The following TNXB variants were observed in gnomAD, a reference collection of about 807,000 sequenced individuals.
The protein encoded by TNXB is tenascin-X.
TNXB carries 183 observed loss-of-function variants against 340.5 expected under a neutral mutation model. That is an observed-to-expected ratio of 0.54 (90% CI 0.48 to 0.61). The LOEUF (loss-of-function observed/expected upper bound fraction) is 0.61, where lower values mean the gene tolerates loss of function less well. TNXB is among the 20% of genes least tolerant of loss of function. The pLI is 0.00. For synonymous variants in TNXB, 2,121 were observed against 2,314.5 expected (o/e 0.92, Z 2.40); for missense variants, 4,613 against 5,446.4 (o/e 0.85, Z 4.82).
Position 32,053,741 on chromosome 6 carries a change from T to A in TNXB, c.8468-30A>T, listed in dbSNP as rs557200514. On this transcript the variant is annotated intron_variant, in intron 24 of 43. Transcript: ENST00000644971. Reference sequence around the variant, plus strand: ...ACAGACACGTGTGGGGAGAGTGAGGTCCCTGGGTTCTCAGTTCAGCATAGA... The same window carrying A: ...ACAGACACGTGTGGGGAGAGTGAGGACCCTGGGTTCTCAGTTCAGCATAGA... 1.7e-4 allele frequency: 270 copies of A among 1,596,386 alleles called. 1 individual carries two copies. The highest frequency in any genetic ancestry group is 5.2e-4 in the East Asian group (23 of 44,576).
Position 32,067,139 on chromosome 6 carries a change from G to GAAAGAAAGAA in TNXB, c.6544+512_6544+521dup, listed in dbSNP as rs1562823247. Among the ~76,000 whole-genome samples the GAAAGAAAGAA allele has an allele frequency of 8.6e-6, 1 of 116,190 alleles. No homozygotes were observed. The highest frequency in any genetic ancestry group is 3.6e-5 in the African/African-American group (1 of 28,122). 76.2% of individuals were successfully genotyped at this position (116,190 alleles called of 152,430 possible). ...AGAAAGAAAGAAAGGAAGGAAGAAAGAAAGAAAGAAAGAAAGAAAGAAAGA... is the reference window on the plus strand; with the variant it reads ...AGAAAGAAAGAAAGGAAGGAAGAAAGAAAGAAAGAAAAAGAAAGAAAGAAAGAAAGAAAGA... On this transcript the variant is annotated intron_variant, in intron 18 of 43. Transcript: ENST00000644971. This position sits in a 1 kb window ranked among gnomAD's most constrained non-coding sequence, Gnocchi z 4.2.
In TNXB at chr6:32,067,742, G is replaced by T. The variant is rs1238592106; in HGVS notation, c.6463C>A (p.Pro2155Thr). Residue 2155 changes from proline (P) to threonine (T), a missense_variant, in exon 18 of 44, where the codon CCT (proline) becomes ACT (threonine). Around this residue, in one of 7 missense-constraint regions of TNXB, gnomAD observed 4,327 missense variants for 4,859.4 expected, o/e 0.89. Transcript: ENST00000644971. This position sits in a 1 kb window ranked among gnomAD's most constrained non-coding sequence, Gnocchi z 4.2. The part of the protein sequence containing the change: ...ESEVTVGGLE[P>T]GRKYKMHLYG... ...AGGTGCATCTTGTACTTGCGCCCAG[G>T]CTCCAGGCCCCCCACGGTGACTTCA... 5.6e-6 allele frequency: 9 copies of T among 1,613,728 alleles called. No homozygotes were observed. The Admixed American group carries it at 1.5e-4, about 27-fold the overall frequency.
chr6:32,084,810 A>T lies in TNXB; in HGVS notation c.3149-101T>A. ...GCCCACCTCACTCCATCCTGGATAG[A>T]TCCCTCCCCGGAAGACTCTATCTGC... On this transcript the variant is annotated intron_variant, in intron 7 of 43. Transcript: ENST00000644971. The surrounding 1 kb of genome is among the most constrained non-coding windows in gnomAD (Gnocchi z 5.5). 1 of 1,135,796 alleles carries T rather than the reference A, an allele frequency of 8.8e-7. No individual in the cohort carries two copies. The highest frequency in any genetic ancestry group is 2.1e-5 in the South Asian group (1 of 48,586). 70.4% of individuals were successfully genotyped at this position (1,135,796 alleles called of 1,614,324 possible).
At chr6:32,091,173 C>G (rs142674470) in intron 4 of TNXB, among the ~76,000 whole-genome samples, 1 of 152,190 alleles carries the variant, frequency 6.6e-6, no homozygotes, top group African/African-American at 2.4e-5. Flanking sequence ...TGCAATGGCG[C>G]GATCTCAGCT....
At chr6:32,066,242 A>T (rs574912409) in intron 18 of TNXB, among the ~76,000 whole-genome samples, 1 of 152,250 alleles carries the variant, frequency 6.6e-6, no homozygotes, top group East Asian at 1.9e-4. Context: ...AAATTTTTTT[A>T]AATTAGCTGA....
rs746441495 is a variant in TNXB, at chr6:32,073,968, T to C, written c.4376-16A>G. The C allele has an allele frequency of 1.3e-6, 2 of 1,561,472 alleles. No homozygotes were observed. Among genetic ancestry groups the C allele is most frequent in the African/African-American group, 1.4e-5 (1 of 73,478 alleles). On this transcript the variant is annotated splice_polypyrimidine_tract_variant and intron_variant, in intron 11 of 43. Transcript: ENST00000644971. This position sits in a 1 kb window ranked among gnomAD's most constrained non-coding sequence, Gnocchi z 4.6. ...TGTTGTGGGGCTGGGACAGAGATGG[T>C]AGGGGGCTGTTAGTAAAGAATCCCC... is the stretch of plus-strand genomic sequence containing the variant.
chr6:32,060,089 C>G (rs1451134616), intron 21 of TNXB, among the ~76,000 whole-genome samples: 1 of 151,854 alleles, frequency 6.6e-6, no homozygotes. Context: ...AATCCCAGCA[C>G]TTTGGGAGGC....
In TNXB at chr6:32,049,637, T is replaced by G; in HGVS notation, c.9440-50A>C. ...GAGTGAGGGGGATGTCCTTGGGTCC[T>G]GGGGAAAAGGAGGGAGAAGCCAAGG... On this transcript the variant is annotated intron_variant, in intron 27 of 43. Coordinates refer to ENST00000644971, the MANE Select transcript of TNXB (RefSeq NM_001365276.2). This position sits in a 1 kb window ranked among gnomAD's most constrained non-coding sequence, Gnocchi z 4.5. 1 of 1,572,390 alleles carries G rather than the reference T, an allele frequency of 6.4e-7. No individual in the cohort carries two copies. Among genetic ancestry groups the G allele is most frequent in the South Asian group, 1.1e-5 (1 of 87,278 alleles).
intron 11 of TNXB, among the ~76,000 whole-genome samples, chr6:32,076,503 C>A (rs549633990): frequency 2.6e-5 from 4 of 152,300 alleles, no homozygotes; most frequent in Admixed American, 2.0e-4. Context: ...TTCAAAATAT[C>A]CAGCATTAGA....
chr6:32,081,984 G>A lies in TNXB; in HGVS notation c.3736+52C>T. The A allele has an allele frequency of 5.9e-6, 9 of 1,537,170 alleles. No homozygotes were observed. Among genetic ancestry groups the A allele is most frequent in the Non-Finnish European group, 7.9e-6 (9 of 1,137,136 alleles). On this transcript the variant is annotated intron_variant, in intron 9 of 43. Transcript: ENST00000644971. This position sits in a 1 kb window ranked among gnomAD's most constrained non-coding sequence, Gnocchi z 5.1. ...AGCTGGTTTTGGGCTGAAGGGAAGT[G>A]TGCATGGGGCTGAGAAGGGGTCACA... is the stretch of plus-strand genomic sequence containing the variant.
chr6:32,088,959 G>A lies in TNXB; in HGVS notation c.2605C>T (p.Arg869Ter), dbSNP rs1386088186. Residue 869 changes from arginine (R) to a stop codon, truncating the protein, a stop_gained, in exon 6 of 44, where the codon CGA (arginine) becomes TGA (stop). Transcript: ENST00000644971. LOFTEE classifies it high-confidence loss of function. ...GCACTGACGTAGGACACCACAAATC[G>A]GTCCACCTCAGCCTGGGGACGCAGC... ...GWLRPQAEVDRFVVSYVSAGN... is the reference protein window; with the variant it reads ...GWLRPQAEVD The A allele has an allele frequency of 3.7e-6, 6 of 1,609,472 alleles. No homozygotes were observed. Among genetic ancestry groups the A allele is most frequent in the South Asian group, 1.1e-5 (1 of 90,140 alleles).
Position 32,095,923 on chromosome 6 carries a change from C to T in TNXB, c.1930G>A (p.Gly644Ser), listed in dbSNP as rs764261572. Residue 644 changes from glycine (G) to serine (S), a missense_variant, in exon 3 of 44, where the codon GGC becomes AGC. Coordinates refer to ENST00000644971, the MANE Select transcript of TNXB (RefSeq NM_001365276.2). ...GRCLCDPGYT[G>S]PTCATRMCPA... Reference sequence around the variant, plus strand: ...CACATGCGGGTGGCACAGGTAGGGCCGGTGTAGCCTGGGTCGCACAGGCAG... The same window carrying T: ...CACATGCGGGTGGCACAGGTAGGGCTGGTGTAGCCTGGGTCGCACAGGCAG... 8 of 1,612,672 alleles carry T rather than the reference C, an allele frequency of 5.0e-6. No homozygotes were observed. In the South Asian group the frequency reaches 6.6e-5, roughly 13 times the overall value.
chr6:32,104,793 G>A (rs1027945698), intron 1 of TNXB, among the ~76,000 whole-genome samples: 5 of 152,006 alleles, frequency 3.3e-5, no homozygotes, highest in African/African-American at 7.2e-5. Context: ...GTGCCATCAC[G>A]CTCAGCTAAT....
At position 32,058,987 on chromosome 6, in the gene TNXB, G is replaced by A. The variant is rs1250078193; in HGVS notation, c.7493-597C>T. ...ACGCTCTGCATGCAAAATACAGGAA[G>A]GGAATGTGCACTACACACATTGTTA... is the stretch of plus-strand genomic sequence containing the variant. On this transcript the variant is annotated intron_variant, in intron 21 of 43. Coordinates refer to ENST00000644971, the MANE Select transcript of TNXB (RefSeq NM_001365276.2). This position sits in a 1 kb window ranked among gnomAD's most constrained non-coding sequence, Gnocchi z 5.1. Among the ~76,000 whole-genome samples, 2 of 151,936 alleles carry A rather than the reference G, an allele frequency of 1.3e-5. No homozygotes were observed. Among genetic ancestry groups the A allele is most frequent in the Non-Finnish European group, 2.9e-5 (2 of 68,030 alleles).
At position 32,047,739 on chromosome 6, in the gene TNXB, G is replaced by A; in HGVS notation, c.10319C>T (p.Thr3440Ile). The change falls in exon 30 of 44, where the codon ACC becomes ATC. Residue 3440 changes from threonine (T) to isoleucine (I), a missense_variant. Around this residue, in one of 7 missense-constraint regions of TNXB, gnomAD observed 4,327 missense variants for 4,859.4 expected, o/e 0.89. Transcript: ENST00000644971. The surrounding 1 kb of genome is among the most constrained non-coding windows in gnomAD (Gnocchi z 6.2). ...KRLGPISADS[T>I]TAPLEKELPP... ...GAGGCTGGACTGGGACTCACCTGTG[G>A]TGCTGTCAGCAGAGATGGGGCCCAG... 1 of 1,597,426 alleles carries A rather than the reference G, an allele frequency of 6.3e-7. No individual in the cohort carries two copies. Among genetic ancestry groups the A allele is most frequent in the Non-Finnish European group, 8.5e-7 (1 of 1,171,198 alleles).
Position 32,075,693 on chromosome 6 carries a change from C to G in TNXB, c.4376-1741G>C, listed in dbSNP as rs906662295. ...GCTTTATTCACTGCTGTGTCCCAGT[C>G]CCTGGCACACAGTAGGTGCTCCACA... On this transcript the variant is annotated intron_variant, in intron 11 of 43. Coordinates refer to ENST00000644971, the MANE Select transcript of TNXB (RefSeq NM_001365276.2). This position sits in a 1 kb window ranked among gnomAD's most constrained non-coding sequence, Gnocchi z 4.6. Among the ~76,000 whole-genome samples the G allele has an allele frequency of 2.6e-5, 4 of 152,210 alleles. No individual in the cohort carries two copies. The highest frequency in any genetic ancestry group is 2.6e-4 in the Admixed American group (4 of 15,286).
In TNXB at chr6:32,080,850, G is replaced by T; in HGVS notation, c.4042+518C>A. ...CTGTTCCAAGGGGGCTGGGAGTCAA[G>T]GAGTCGGGAGCTGAGAGGAGTCCTC... On this transcript the variant is annotated intron_variant, in intron 10 of 43. Coordinates refer to ENST00000644971, the MANE Select transcript of TNXB (RefSeq NM_001365276.2). This position sits in a 1 kb window ranked among gnomAD's most constrained non-coding sequence, Gnocchi z 4.3. Among the ~76,000 whole-genome samples the T allele has an allele frequency of 6.6e-6, 1 of 152,220 alleles. No homozygotes were observed. Among genetic ancestry groups the T allele is most frequent in the African/African-American group, 2.4e-5 (1 of 41,448 alleles).
rs750943669 is a variant in TNXB, at chr6:32,097,173, C to T, written c.680G>A (p.Arg227His). Residue 227 changes from arginine to histidine, a missense_variant, in exon 3 of 44, where the codon CGC (arginine) becomes CAC (histidine). Coordinates refer to ENST00000644971, the MANE Select transcript of TNXB (RefSeq NM_001365276.2). The surrounding 1 kb of genome is among the most constrained non-coding windows in gnomAD (Gnocchi z 5.9). ...SCPGDCQGRG[R>H]CVQGVCVCRA... Reference sequence around the variant, plus strand: ...GCACACACACACGCCCTGCACGCAGCGCCCACGGCCTTGGCAGTCCCCGGG... The same window carrying T: ...GCACACACACACGCCCTGCACGCAGTGCCCACGGCCTTGGCAGTCCCCGGG... The T allele has an allele frequency of 1.7e-5, 27 of 1,595,800 alleles. No individual in the cohort carries two copies. The highest frequency in any genetic ancestry group is 2.0e-5 in the Non-Finnish European group (24 of 1,171,920).
rs773003916 is a variant in TNXB, at chr6:32,058,091, G to A, written c.7792C>T (p.Arg2598Cys). 42 of 1,611,210 alleles carry A rather than the reference G, an allele frequency of 2.6e-5. No individual in the cohort carries two copies. The highest frequency in any genetic ancestry group is 1.6e-4 in the East Asian group (7 of 44,834). ...CCCACGGCAGACACCGGGCCCAGGCGCCGCCCCTCGTGGAGGCCGTACAGG... is the reference window on the plus strand; with the variant it reads ...CCCACGGCAGACACCGGGCCCAGGCACCGCCCCTCGTGGAGGCCGTACAGG... The part of the protein sequence containing the change: ...MHLYGLHEGR[R>C]LGPVSAVGVT... The change falls in exon 22 of 44, where the codon CGC becomes TGC. Residue 2598 changes from arginine (R) to cysteine (C), a missense_variant. Around this residue, in one of 7 missense-constraint regions of TNXB, gnomAD observed 4,327 missense variants for 4,859.4 expected, o/e 0.89. Coordinates refer to ENST00000644971, the MANE Select transcript of TNXB (RefSeq NM_001365276.2). The surrounding 1 kb of genome is among the most constrained non-coding windows in gnomAD (Gnocchi z 5.1).
Sources: gnomAD v4.1 joint callset for allele counts (sites outside exome capture counted in the v4.1 genomes callset) on GRCh38, gnomAD v4.1.1 for gene constraint, gnomAD v4.1.1 regional missense constraint, Gnocchi (gnomAD v3.1) non-coding constraint, MANE v1.5 for transcripts, NCBI Gene and HGNC (gene_info 2026-07-23, HGNC 2026-07-21) for gene names.